Variants in COMMD7 observed in about 807,000 individuals in gnomAD.
COMMD7 encodes COMM domain containing 7.
COMMD7 carries 28 observed loss-of-function variants against 34.8 expected under a neutral mutation model. The ratio of observed to expected loss-of-function variants is 0.80; its 90% CI spans 0.60 to 1.10. The LOEUF (loss-of-function observed/expected upper bound fraction) is 1.10, where lower values mean the gene tolerates loss of function less well. Among genes scored for constraint, COMMD7 ranks in the 50% least tolerant of loss-of-function variants. The pLI is 0.00. For synonymous variants in COMMD7, 80 were observed against 86.4 expected, an observed-to-expected ratio of 0.93 and a Z score of 0.41; for missense variants, 211 against 241.6, an observed-to-expected ratio of 0.87 and a Z score of 0.84.
chr20:32,703,263 G>A lies in COMMD7; in HGVS notation c.*119C>T. 2.4e-6 allele frequency: 2 copies of A among 850,614 alleles called. No individual in the cohort carries two copies. The highest frequency in any genetic ancestry group is 3.7e-6 in the Non-Finnish European group (2 of 541,832). The allele number at this position is 850,614 out of a possible 1,614,324, so 52.7% of individuals were successfully genotyped here. ...AAACCCTTTGCACCTGGGCCCCATG[G>A]AGCCAGCAGGGCCCCATGGAGCATC... On this transcript the variant is annotated 3_prime_UTR_variant, in exon 9 of 9. Coordinates refer to ENST00000278980, the MANE Select transcript of COMMD7 (RefSeq NM_053041.3).
At chr20:32,720,164 T>C (rs1433186072) in intron 3 of COMMD7, among the ~76,000 whole-genome samples, 1 of 152,214 alleles carries the variant, frequency 6.6e-6, no homozygotes, top group Non-Finnish European at 1.5e-5. Flanking sequence ...TTCACTGGTA[T>C]GCTGAGTTCC....
chr20:32,736,698 C>A (rs753617771), intron 1 of COMMD7, among the ~76,000 whole-genome samples: 111 of 150,804 alleles, frequency 7.4e-4, no homozygotes, highest in African/African-American at 9.5e-4. Flanking sequence ...ACAACAACAA[C>A]AAAAAAAACC....
intron 1 of COMMD7, among the ~76,000 whole-genome samples, chr20:32,729,688 C>A (rs1985724739): frequency 6.6e-6 from 1 of 151,320 alleles, no homozygotes; most frequent in Admixed American, 6.6e-5. Flanking sequence ...TGATCTTGTA[C>A]TTCCGAGCAA....
intron 1 of COMMD7, among the ~76,000 whole-genome samples, chr20:32,742,081 G>A (rs564917875): frequency 7.9e-5 from 12 of 152,190 alleles, no homozygotes; most frequent in South Asian, 2.1e-4. Context: ...CCAGTTACTC[G>A]GGAGACTGAG....
rs372572636 is a variant in COMMD7 at position 32,704,883 on chromosome 20, G to T, written c.358C>A (p.Leu120Ile). ...GTCTGACCTATGGCCCATCGAGCAA[G>T]GGTGGGAGCATTCTGCTTCCACTGG... ...SEKWKQNAPTLARWAIGQTLM... is the reference protein window; with the variant it reads ...SEKWKQNAPTIARWAIGQTLM... Residue 120 changes from leucine (L) to isoleucine (I), a missense_variant, in exon 6 of 9, where the codon CTT becomes ATT. Leu to Ile is a conservative substitution (Grantham distance 5). Coordinates refer to ENST00000278980, the MANE Select transcript of COMMD7 (RefSeq NM_053041.3). 5 of 1,613,924 alleles carry T rather than the reference G, an allele frequency of 3.1e-6. No individual in the cohort carries two copies. Among genetic ancestry groups the T allele is most frequent in the Non-Finnish European group, 4.2e-6 (5 of 1,179,878 alleles).
At chr20:32,703,645 G>T (rs996515881) in intron 8 of COMMD7, 187 bp from the exon 9 acceptor site, 1 of 1,434,418 alleles carries the variant, frequency 7.0e-7, no homozygotes, top group African/African-American at 1.4e-5. Flanking sequence ...CTGCTCCAAA[G>T]GAAAAAAAAG....
At chr20:32,714,824 AAACAAC>A (rs55911529) in intron 3 of COMMD7, among the ~76,000 whole-genome samples, 12 of 139,790 alleles carry the variant, frequency 8.6e-5, no homozygotes, top group East Asian at 6.3e-4. Flanking sequence ...ACTCCATCTC[AAACAAC>A]AACAACAACA....
intron 1 of COMMD7, among the ~76,000 whole-genome samples, chr20:32,735,186 C>A (rs1986068859): frequency 6.7e-6 from 1 of 149,616 alleles, no homozygotes; most frequent in South Asian, 2.1e-4. Flanking sequence ...TGCAGTGAGC[C>A]AAGATTGCGC....
At chr20:32,703,723 C>T (rs1983883696) in intron 8 of COMMD7, 1 of 1,450,906 alleles carries the variant, frequency 6.9e-7, no homozygotes, top group African/African-American at 1.4e-5. Flanking sequence ...TCGGGATGTT[C>T]AATGTGACTT....
intron 3 of COMMD7, among the ~76,000 whole-genome samples, chr20:32,715,963 AG>A (rs1437749258): frequency 6.6e-6 from 1 of 152,216 alleles, no homozygotes; most frequent in African/African-American, 2.4e-5. Flanking sequence ...GCTACCACTT[AG>A]TGAAGTGAGC....
chr20:32,710,568 A>G (rs1402136686), intron 3 of COMMD7, among the ~76,000 whole-genome samples: 3 of 151,690 alleles, frequency 2.0e-5, no homozygotes, highest in African/African-American at 7.3e-5. Flanking sequence ...CCATCTCTAC[A>G]AAATAAAAAA....
At chr20:32,725,052 T>C (rs182852617) in intron 3 of COMMD7, among the ~76,000 whole-genome samples, 3 of 150,980 alleles carry the variant, frequency 2.0e-5, no homozygotes, top group Non-Finnish European at 2.9e-5. Flanking sequence ...TAAGAAGAGG[T>C]TGTAAGGATG....
rs745332295 is a variant in COMMD7 at position 32,703,396 on chromosome 20, C to T, written c.589G>A (p.Glu197Lys). ...HEMERVRTSM[E>K]CFC ...AGGGACAGAAATCAGCAGAAACACTCCATGCTGGTTCTGACTCGCTCCATC... is the reference window on the plus strand; with the variant it reads ...AGGGACAGAAATCAGCAGAAACACTTCATGCTGGTTCTGACTCGCTCCATC... The change falls in exon 9 of 9, where the codon GAG (glutamate) becomes AAG (lysine). Residue 197 changes from glutamate to lysine, a missense_variant. Transcript: ENST00000278980. 4 of 1,613,888 alleles carry T rather than the reference C, an allele frequency of 2.5e-6. No homozygotes were observed. The highest frequency in any genetic ancestry group is 3.4e-6 in the Non-Finnish European group (4 of 1,179,940).
rs1985623997 is a variant in COMMD7, at chr20:32,728,114, A to T, written c.113T>A (p.Phe38Tyr). 6.2e-7 allele frequency: 1 copy of T among 1,613,988 alleles called. No homozygotes were observed. The highest frequency in any genetic ancestry group is 1.3e-5 in the African/African-American group (1 of 74,940). ...CTCTTTTGGCTCAGTTAGGAAGTGG[A>T]AAAGCACCTCTGTCAGGGCTGAGAA... The part of the protein sequence containing the change: ...QQFSALTEVL[F>Y]HFLTEPKEVE... Residue 38 changes from phenylalanine to tyrosine, a missense_variant, in exon 2 of 9, where the codon TTC becomes TAC. Physicochemically the swap from Phe to Tyr is conservative, Grantham distance 22. Coordinates refer to ENST00000278980, the MANE Select transcript of COMMD7 (RefSeq NM_053041.3).
At chr20:32,736,552 C>A (rs1040604272) in intron 1 of COMMD7, among the ~76,000 whole-genome samples, 8 of 151,974 alleles carry the variant, frequency 5.3e-5, no homozygotes, top group African/African-American at 1.7e-4. Flanking sequence ...TGCCTGTAAT[C>A]CCAGCTACTC....
intron 1 of COMMD7, among the ~76,000 whole-genome samples, chr20:32,732,486 G>C (rs1985895021): frequency 6.6e-6 from 1 of 152,102 alleles, no homozygotes; most frequent in Non-Finnish European, 1.5e-5. Flanking sequence ...AAATGTTTTG[G>C]CAAGTCACAG....
intron 3 of COMMD7, among the ~76,000 whole-genome samples, chr20:32,721,262 AG>A (rs1985137910): frequency 6.6e-6 from 1 of 152,168 alleles, no homozygotes; most frequent in South Asian, 2.1e-4. Context: ...GCTTGGGCCC[AG>A]GATCGCTGGA....
At chr20:32,736,492 A>G (rs532270639) in intron 1 of COMMD7, among the ~76,000 whole-genome samples, 1 of 151,552 alleles carries the variant, frequency 6.6e-6, no homozygotes, top group South Asian at 2.1e-4. Flanking sequence ...AACACGGTGA[A>G]ACCCCGTCTC....
intron 3 of COMMD7, among the ~76,000 whole-genome samples, chr20:32,712,523 A>C (rs1025716056): frequency 1.3e-5 from 2 of 151,212 alleles, no homozygotes; most frequent in East Asian, 2.0e-4. Context: ...AAAAAAAAAA[A>C]ACCTAGGTGA....
Sources: allele counts gnomAD v4.1 joint callset (sites outside exome capture counted in the v4.1 genomes callset), GRCh38; gene constraint gnomAD v4.1.1; transcripts MANE v1.5; gene names NCBI Gene and HGNC (gene_info 2026-07-23, HGNC 2026-07-21).